PDGFD: variants seen among roughly 807,000 people sequenced by gnomAD.
PDGFD encodes platelet-derived growth factor D.
PDGFD carries 30 observed loss-of-function variants against 44.7 expected under a neutral mutation model. That is an observed-to-expected ratio of 0.67 (90% confidence interval 0.50 to 0.91). The LOEUF (loss-of-function observed/expected upper bound fraction) is 0.91, where lower values mean the gene tolerates loss of function less well. PDGFD is among the 40% of genes least tolerant of loss of function. The pLI, the probability that PDGFD is intolerant of heterozygous loss-of-function variation, is 0.00. For synonymous variants in PDGFD, 173 were observed against 168.4 expected, an observed-to-expected ratio of 1.03 and a Z score of -0.21; for missense variants, 445 against 457.8, an observed-to-expected ratio of 0.97 and a Z score of 0.25.
At chr11:104,107,311 G>A (rs1359631869) in intron 1 of PDGFD, among the ~76,000 whole-genome samples, 4 of 152,068 alleles carry the variant, frequency 2.6e-5, no homozygotes, top group African/African-American at 9.7e-5. Context: ...TGTTAGAGAG[G>A]AGGTTATACG....
rs80105620 is a variant in PDGFD, at chr11:104,157,769, T to G, written c.124+6035A>C. ...TCACAATGTATTGTCTTCTTGAAAA[T>G]TGATAAGGAAGCAGACTTTAAGTGT... On this transcript the variant is annotated intron_variant, in intron 1 of 6. Coordinates refer to ENST00000393158, the MANE Select transcript of PDGFD (RefSeq NM_025208.5). Among the ~76,000 whole-genome samples the G allele has an allele frequency of 1.3e-5, 2 of 152,150 alleles. 1 individual carries two copies. Among genetic ancestry groups the G allele is most frequent in the South Asian group, 4.1e-4 (2 of 4,820 alleles).
intron 3 of PDGFD, among the ~76,000 whole-genome samples, chr11:103,953,738 AT>A (rs1858794105): frequency 6.6e-6 from 1 of 152,200 alleles, no homozygotes; most frequent in Non-Finnish European, 1.5e-5. Context: ...TTATGATATC[AT>A]TTATTGAATG....
chr11:104,087,877 A>C (rs1010607995), intron 1 of PDGFD, among the ~76,000 whole-genome samples: 1 of 152,224 alleles, frequency 6.6e-6, no homozygotes, highest in Admixed American at 6.5e-5. Context: ...CTAGTTTGTA[A>C]TAATGTCCCA....
At chr11:103,958,290 TTCC>T (rs1858887553) in intron 3 of PDGFD, among the ~76,000 whole-genome samples, 1 of 152,182 alleles carries the variant, frequency 6.6e-6, no homozygotes, top group South Asian at 2.1e-4. Context: ...TGTTGAATAA[TTCC>T]TCTTTTCTTT....
At chr11:104,066,959 G>C (rs1199132741) in intron 1 of PDGFD, among the ~76,000 whole-genome samples, 2 of 152,150 alleles carry the variant, frequency 1.3e-5, no homozygotes, top group African/African-American at 4.8e-5. Flanking sequence ...TCTTCTAATA[G>C]TTATTGTGGA....
chr11:103,936,772 A>G (rs1858494188), intron 5 of PDGFD, among the ~76,000 whole-genome samples: 1 of 152,066 alleles, frequency 6.6e-6, no homozygotes, highest in Non-Finnish European at 1.5e-5. Context: ...CTAATTTAGT[A>G]TCAAGATGTT....
chr11:104,114,577 AC>A (rs1421051310), intron 1 of PDGFD, among the ~76,000 whole-genome samples: 11 of 151,922 alleles, frequency 7.2e-5, no homozygotes, highest in Admixed American at 6.6e-4. Flanking sequence ...TTATCTCTTC[AC>A]GGTCATTTAT....
At chr11:103,992,726 T>C (rs1469042303) in intron 3 of PDGFD, among the ~76,000 whole-genome samples, 1 of 152,224 alleles carries the variant, frequency 6.6e-6, no homozygotes, top group Non-Finnish European at 1.5e-5. Flanking sequence ...ATAAGTTATC[T>C]TGATGTTATC....
At chr11:104,101,036 T>G (rs919429845) in intron 1 of PDGFD, among the ~76,000 whole-genome samples, 4 of 152,082 alleles carry the variant, frequency 2.6e-5, no homozygotes, top group South Asian at 2.1e-4. Flanking sequence ...CTTTGAAAAC[T>G]GGCACAAGAC....
chr11:104,059,104 A>G (rs1482882315), intron 1 of PDGFD, among the ~76,000 whole-genome samples: 1 of 152,224 alleles, frequency 6.6e-6, no homozygotes, highest in Non-Finnish European at 1.5e-5. Flanking sequence ...CTCAACCTGT[A>G]CAACTGAAAA....
At chr11:104,094,316 G>C (rs1396105464) in intron 1 of PDGFD, among the ~76,000 whole-genome samples, 2 of 151,810 alleles carry the variant, frequency 1.3e-5, no homozygotes, top group African/African-American at 2.4e-5. Context: ...GAATTCCTTG[G>C]GGACCAATCT....
intron 1 of PDGFD, among the ~76,000 whole-genome samples, chr11:104,121,706 A>T (rs1861781009): frequency 6.6e-6 from 1 of 152,100 alleles, no homozygotes; most frequent in African/African-American, 2.4e-5. Flanking sequence ...ATTAAGGACC[A>T]GTTAGTTTAC....
intron 6 of PDGFD, among the ~76,000 whole-genome samples, chr11:103,922,550 C>T (rs1272355645): frequency 1.3e-5 from 2 of 151,506 alleles, no homozygotes; most frequent in Non-Finnish European, 2.9e-5. Flanking sequence ...AGAAGAATTC[C>T]CCCCCGCCTT....
rs752479276 is a variant in PDGFD at position 104,143,996 on chromosome 11, C to T, written c.124+19808G>A. Among the ~76,000 whole-genome samples, 315 of 95,662 alleles carry T rather than the reference C, an allele frequency of 3.3e-3. 1 individual carries two copies. Among genetic ancestry groups the T allele is most frequent in the Middle Eastern group, 0.01 (2 of 194 alleles). 62.8% of individuals were successfully genotyped at this position (95,662 alleles called of 152,430 possible). On this transcript the variant is annotated intron_variant, in intron 1 of 6. Transcript: ENST00000393158. The stretch of plus-strand genomic sequence containing the variant: ...AAGTCAGGAATGGATGTCATCTCAT[C>T]TTGGCTTCCAACTTTATTTAGATTC...
At chr11:104,060,921 G>A (rs1243416607) in intron 1 of PDGFD, among the ~76,000 whole-genome samples, 3 of 152,108 alleles carry the variant, frequency 2.0e-5, no homozygotes, top group Admixed American at 6.6e-5. Flanking sequence ...CATTTACAAT[G>A]TTGTGCAACC....
At chr11:104,095,686 G>C (rs1861275263) in intron 1 of PDGFD, among the ~76,000 whole-genome samples, 1 of 152,088 alleles carries the variant, frequency 6.6e-6, no homozygotes, top group South Asian at 2.1e-4. Context: ...TTTCCTTTAA[G>C]ATTTAGTCTA....
intron 1 of PDGFD, among the ~76,000 whole-genome samples, chr11:104,112,287 T>C (rs191998832): frequency 6.6e-6 from 1 of 152,246 alleles, no homozygotes; most frequent in East Asian, 1.9e-4. Context: ...TGATCAGTAA[T>C]GTTGAGCTTT....
chr11:103,993,643 T>C (rs1305614928), intron 3 of PDGFD, among the ~76,000 whole-genome samples: 3 of 152,104 alleles, frequency 2.0e-5, no homozygotes, highest in Non-Finnish European at 4.4e-5. Flanking sequence ...AATAAAGTGA[T>C]CTTCCCAGTA....
chr11:104,092,823 T>C (rs1250274796), intron 1 of PDGFD, among the ~76,000 whole-genome samples: 4 of 152,152 alleles, frequency 2.6e-5, no homozygotes, highest in African/African-American at 9.7e-5. Context: ...AAATAGAATA[T>C]GATCATCTTG....
Sources: allele counts gnomAD v4.1 joint callset (sites outside exome capture counted in the v4.1 genomes callset), GRCh38; gene constraint gnomAD v4.1.1; transcripts MANE v1.5; gene names NCBI Gene and HGNC (gene_info 2026-07-23, HGNC 2026-07-21).